Variants in FAM200B observed in about 807,000 individuals in gnomAD.
The protein encoded by FAM200B is protein FAM200B.
FAM200B carries 32 observed loss-of-function variants against 33.1 expected under a neutral mutation model. The observed-to-expected ratio is 0.97, with a 90% CI of 0.73 to 1.30. The LOEUF (loss-of-function observed/expected upper bound fraction) is 1.30, where lower values mean the gene tolerates loss of function less well. Among genes scored for constraint, FAM200B ranks in the 50% most tolerant of loss-of-function variants. FAM200B has a pLI of 0.00. For missense variants in FAM200B, 741 were observed against 754.0 expected, an observed-to-expected ratio of 0.98 and a Z score of 0.20; for synonymous variants, 240 against 264.8, an observed-to-expected ratio of 0.91 and a Z score of 0.91.
At chr4:15,654,577 A>G in the FAM200B span, among the ~76,000 whole-genome samples, 1 of 152,254 alleles carries the variant, frequency 6.6e-6, no homozygotes, top group Non-Finnish European at 1.5e-5. Flanking sequence ...AAGGAAAACG[A>G]TAACGACACA....
the FAM200B span, among the ~76,000 whole-genome samples, chr4:15,675,725 G>T: frequency 6.6e-6 from 1 of 151,788 alleles, no homozygotes; most frequent in Non-Finnish European, 1.5e-5. Flanking sequence ...GGTATTACTG[G>T]CACCTGACAC....
intron 1 of FAM200B, among the ~76,000 whole-genome samples, chr4:15,685,453 T>C (rs1348958488): frequency 2.6e-5 from 4 of 152,176 alleles, no homozygotes; most frequent in Non-Finnish European, 4.4e-5. Flanking sequence ...ACTTCGGGCG[T>C]AGGGGATATC....
Position 15,688,148 on chromosome 4 carries a change from C to G in FAM200B, c.1171C>G (p.Gln391Glu), listed in dbSNP as rs1203348417. Residue 391 changes from glutamine (Q) to glutamate (E), a missense_variant, in exon 2 of 2, where the codon CAA becomes GAA. Gln to Glu is a conservative substitution (Grantham distance 29). Transcript: ENST00000422728. The part of the protein sequence containing the change: ...LYHTKIRWLS[Q>E]GKILSRVYEL... ...TCATACCAAAATTCGTTGGTTGTCT[C>G]AAGGGAAAATACTAAGCAGGGTTTA... 7 of 1,551,064 alleles carry G rather than the reference C, an allele frequency of 4.5e-6. No homozygotes were observed. The highest frequency in any genetic ancestry group is 6.1e-6 in the Non-Finnish European group (7 of 1,146,668).
the FAM200B span, among the ~76,000 whole-genome samples, chr4:15,650,954 A>T: frequency 6.6e-6 from 1 of 152,194 alleles, no homozygotes; most frequent in Admixed American, 6.5e-5. Flanking sequence ...TGTCTCAGAC[A>T]TTCTACAGTG....
the FAM200B span, among the ~76,000 whole-genome samples, chr4:15,639,099 G>A: frequency 2.0e-4 from 30 of 152,378 alleles, no homozygotes; most frequent in Non-Finnish European, 1.5e-5. Flanking sequence ...GGGAGGCAGA[G>A]GTTGCGGCGA....
chr4:15,676,261 A>C, the FAM200B span, among the ~76,000 whole-genome samples: 1 of 152,326 alleles, frequency 6.6e-6, no homozygotes, highest in South Asian at 2.1e-4. Context: ...CTACCGCATA[A>C]AAAGCATAAG....
chr4:15,650,916 C>T, the FAM200B span, among the ~76,000 whole-genome samples: 1 of 152,028 alleles, frequency 6.6e-6, no homozygotes, highest in African/African-American at 2.4e-5. Flanking sequence ...AGGCATGAGC[C>T]ACTGCACCCA....
the FAM200B span, among the ~76,000 whole-genome samples, chr4:15,641,141 T>C: frequency 6.6e-6 from 1 of 152,182 alleles, no homozygotes; most frequent in Non-Finnish European, 1.5e-5. Flanking sequence ...ACAGCTTTTA[T>C]TGATGTATAT....
chr4:15,671,515 C>T, the FAM200B span, among the ~76,000 whole-genome samples: 1 of 151,938 alleles, frequency 6.6e-6, no homozygotes, highest in African/African-American at 2.4e-5. Context: ...TCAAAGCAAT[C>T]CTCCTGCCTC....
At chr4:15,639,532 A>G in the FAM200B span, among the ~76,000 whole-genome samples, 1 of 152,246 alleles carries the variant, frequency 6.6e-6, no homozygotes, top group African/African-American at 2.4e-5. Context: ...TTCTTCTGCT[A>G]AACAGATGCT....
At chr4:15,656,581 A>C in the FAM200B span, among the ~76,000 whole-genome samples, 1 of 152,230 alleles carries the variant, frequency 6.6e-6, no homozygotes, top group African/African-American at 2.4e-5. Flanking sequence ...ATTTAGTTCT[A>C]ATCTTATATT....
At chr4:15,657,411 T>C in the FAM200B span, among the ~76,000 whole-genome samples, 2 of 152,252 alleles carry the variant, frequency 1.3e-5, no homozygotes, top group Admixed American at 6.5e-5. Context: ...TAATATGCTA[T>C]GTTGTCTTGT....
At chr4:15,638,615 C>T in the FAM200B span, 1 of 1,613,148 alleles carries the variant, frequency 6.2e-7, no homozygotes, top group Non-Finnish European at 8.5e-7. Flanking sequence ...CTTCTGAGAG[C>T]AGTGTTGTGC....
chr4:15,648,811 A>G, the FAM200B span, among the ~76,000 whole-genome samples: 2 of 152,162 alleles, frequency 1.3e-5, no homozygotes, highest in Non-Finnish European at 2.9e-5. Flanking sequence ...ACTATAGCTA[A>G]TAATACTGTA....
At position 15,687,499 on chromosome 4, in the gene FAM200B, A is replaced by G. The variant is rs1403619995; in HGVS notation, c.522A>G (p.Ala174=). The G allele has an allele frequency of 3.9e-6, 6 of 1,551,022 alleles. No homozygotes were observed. The highest frequency in any genetic ancestry group is 1.2e-5 in the South Asian group (1 of 84,066). ...NTAAEKIILP[A]CLDMVRTIFD... Reference sequence around the variant, plus strand: ...CTGCTGAAAAAATTATTCTTCCAGCATGTTTGGATATGGTGCGTACAATAT... The same window carrying G: ...CTGCTGAAAAAATTATTCTTCCAGCGTGTTTGGATATGGTGCGTACAATAT... The change falls in exon 2 of 2, where the codon GCA becomes GCG. Residue 174 remains alanine (A), a synonymous_variant. Coordinates refer to ENST00000422728, the MANE Select transcript of FAM200B (RefSeq NM_001145191.2).
chr4:15,655,448 C>G, the FAM200B span: 1 of 953,610 alleles, frequency 1.0e-6, no homozygotes, highest in African/African-American at 1.8e-5. Context: ...GCGCGCAGGC[C>G]GCCGCCATGC....
At chr4:15,661,364 G>A in the FAM200B span, among the ~76,000 whole-genome samples, 1 of 152,184 alleles carries the variant, frequency 6.6e-6, no homozygotes, top group African/African-American at 2.4e-5. Flanking sequence ...AGTCTCCAGA[G>A]TATCCTGAGA....
rs1718847150 is a variant in FAM200B, at chr4:15,686,359, A to C, written c.-619A>C. The C allele has an allele frequency of 2.6e-5, 4 of 152,212 alleles. No individual in the cohort carries two copies. Among genetic ancestry groups the C allele is most frequent in the African/African-American group, 9.6e-5 (4 of 41,454 alleles). The allele number at this position is 152,212 out of a possible 1,614,324, so 9.4% of individuals were successfully genotyped here. ...ATCAGACCATAAAAATGATCCAGGAATGAAAATCTAAGATAAATTCCCACC... is the reference window on the plus strand; with the variant it reads ...ATCAGACCATAAAAATGATCCAGGACTGAAAATCTAAGATAAATTCCCACC... On this transcript the variant is annotated 5_prime_UTR_variant, in exon 2 of 2. The change abolishes an upstream ATG in the 5' untranslated region. Transcript: ENST00000422728.
chr4:15,684,521 T>G (rs929168217), intron 1 of FAM200B, among the ~76,000 whole-genome samples: 3 of 152,208 alleles, frequency 2.0e-5, no homozygotes, highest in African/African-American at 7.2e-5. Context: ...TGTAGTAGTT[T>G]GAGGTTTCTT....
Sources: gnomAD v4.1 joint callset for allele counts (sites outside exome capture counted in the v4.1 genomes callset) on GRCh38, gnomAD v4.1.1 for gene constraint, MANE v1.5 for transcripts, NCBI Gene and HGNC (gene_info 2026-07-23, HGNC 2026-07-21) for gene names.